CADPS: variants seen among roughly 807,000 people sequenced by gnomAD.
The protein encoded by CADPS is calcium dependent secretion activator.
In CADPS, 57 loss-of-function variants were observed where a neutral mutation model predicts 167.3. That is an observed-to-expected ratio of 0.34 (90% CI 0.28 to 0.42). CADPS has a LOEUF of 0.42. Among genes scored for constraint, CADPS ranks in the 20% least tolerant of loss-of-function variants. CADPS has a pLI of 1.00. For missense variants in CADPS, 1,414 were observed against 1,738.1 expected (o/e 0.81, Z 3.32); for synonymous variants, 676 against 635.3 (o/e 1.06, Z -0.96).
At chr3:62,715,373 C>CTAT (rs1554105668) in intron 3 of CADPS, among the ~76,000 whole-genome samples, 40,309 of 134,384 alleles carry the variant, frequency 0.3, 5,982 homozygotes, top group East Asian at 0.36. Flanking sequence ...TATCTATCTA[C>CTAT]CTATCTATCT....
At chr3:62,858,437 C>T (rs1358967419) in intron 1 of CADPS, among the ~76,000 whole-genome samples, 1 of 152,100 alleles carries the variant, frequency 6.6e-6, no homozygotes, top group Non-Finnish European at 1.5e-5. Flanking sequence ...ACTTGGATCA[C>T]CTGGGCACCT....
intron 3 of CADPS, among the ~76,000 whole-genome samples, chr3:62,691,728 A>G (rs1043374586): frequency 1.3e-5 from 2 of 152,038 alleles, no homozygotes; most frequent in African/African-American, 4.8e-5. Flanking sequence ...GAGCTGAATG[A>G]TGAGAACACA....
chr3:62,512,052 T>C (rs2067959648), intron 17 of CADPS, among the ~76,000 whole-genome samples: 1 of 152,202 alleles, frequency 6.6e-6, no homozygotes, highest in Non-Finnish European at 1.5e-5. Flanking sequence ...TTTTGAAATG[T>C]GCTCAACTGT....
intron 17 of CADPS, among the ~76,000 whole-genome samples, chr3:62,502,192 C>G (rs187462452): frequency 2.8e-4 from 43 of 152,274 alleles, no homozygotes; most frequent in Non-Finnish European, 1.2e-4. Flanking sequence ...CAAAATGGAA[C>G]TAAAAGTAAA....
intron 28 of CADPS, among the ~76,000 whole-genome samples, chr3:62,419,564 G>A (rs1052112165): frequency 5.3e-5 from 8 of 152,102 alleles, no homozygotes; most frequent in Non-Finnish European, 7.4e-5. Context: ...TGAGCAGTGC[G>A]AATAATTTAT....
chr3:62,609,523 T>C (rs535376281), intron 6 of CADPS, among the ~76,000 whole-genome samples: 1 of 152,178 alleles, frequency 6.6e-6, no homozygotes, highest in Admixed American at 6.5e-5. Flanking sequence ...ATGTGGACTT[T>C]GTAGTTAGAT....
chr3:62,498,259 A>G (rs1561278083), intron 18 of CADPS: 1 of 445,652 alleles, frequency 2.2e-6, no homozygotes, highest in Non-Finnish European at 4.5e-6. Flanking sequence ...GGCGTATTAT[A>G]TATTATTTAA....
At chr3:62,866,653 C>G (rs187405839) in intron 1 of CADPS, among the ~76,000 whole-genome samples, 29 of 151,746 alleles carry the variant, frequency 1.9e-4, no homozygotes, top group Non-Finnish European at 3.4e-4. Context: ...AAGGTGAGGA[C>G]GACATTTTGC....
intron 27 of CADPS, chr3:62,439,406 G>C (rs1003825829): frequency 6.6e-6 from 1 of 152,144 alleles, no homozygotes; most frequent in Non-Finnish European, 1.5e-5. Flanking sequence ...AACACCTGCT[G>C]AAACAATGAC....
At chr3:62,503,062 C>A (rs1038589786) in intron 17 of CADPS, among the ~76,000 whole-genome samples, 1 of 152,034 alleles carries the variant, frequency 6.6e-6, no homozygotes. Context: ...CCCCCACCCA[C>A]CACCACCACC....
chr3:62,465,285 A>G lies in CADPS; in HGVS notation c.3636+82T>C. 4.1e-6 allele frequency: 4 copies of G among 982,686 alleles called. No homozygotes were observed. The South Asian group carries it at 6.4e-5, about 16-fold the overall frequency. 60.9% of individuals were successfully genotyped at this position (982,686 alleles called of 1,614,324 possible). A position where few individuals can be genotyped will look rare whatever the true frequency, so the allele number is the denominator to read the frequency against. ...TAACACACACACCCATCCCAAAACAAAATGACACAACATAACTCCTCTCCC... is the reference window on the plus strand; with the variant it reads ...TAACACACACACCCATCCCAAAACAGAATGACACAACATAACTCCTCTCCC... On this transcript the variant is annotated intron_variant, in intron 26 of 29. Coordinates refer to ENST00000383710, the MANE Select transcript of CADPS (RefSeq NM_003716.4). The surrounding 1 kb of genome is among the most constrained non-coding windows in gnomAD (Gnocchi z 4.1).
chr3:62,432,788 G>A (rs547379697), intron 28 of CADPS, among the ~76,000 whole-genome samples: 3 of 152,160 alleles, frequency 2.0e-5, no homozygotes, highest in Admixed American at 6.5e-5. Flanking sequence ...CACCCAGCTA[G>A]TAAGGATCAG....
chr3:62,728,894 C>A (rs1174355335), intron 3 of CADPS, among the ~76,000 whole-genome samples: 4 of 151,818 alleles, frequency 2.6e-5, no homozygotes, highest in African/African-American at 9.7e-5. Context: ...TAACTGCTTG[C>A]AATTTGGAAT....
rs183048470 is a variant in CADPS at position 62,720,700 on chromosome 3, G to A, written c.888+32741C>T. On this transcript the variant is annotated intron_variant, in intron 3 of 29. Coordinates refer to ENST00000383710, the MANE Select transcript of CADPS (RefSeq NM_003716.4). ...GAGAAATTAGGCTCAAGGAAGCCAA[G>A]CAAATTATGCAAAATCAGCTTGTTT... 1.8e-3 allele frequency among the ~76,000 whole-genome samples: 281 copies of A among 152,056 alleles called. 1 individual carries two copies. Among genetic ancestry groups the A allele is most frequent in the African/African-American group, 6.4e-3 (265 of 41,484 alleles).
chr3:62,859,457 A>G (rs2080343856), intron 1 of CADPS, among the ~76,000 whole-genome samples: 1 of 152,208 alleles, frequency 6.6e-6, no homozygotes, highest in Non-Finnish European at 1.5e-5. Context: ...TCCACATAGA[A>G]AGAAAACTGA....
chr3:62,617,528 C>A (rs1016132974), intron 6 of CADPS, among the ~76,000 whole-genome samples: 2 of 152,060 alleles, frequency 1.3e-5, no homozygotes, highest in Non-Finnish European at 2.9e-5. Context: ...GGACATGGTT[C>A]CCACTTTCAA....
chr3:62,820,733 A>G (rs2094864942), intron 1 of CADPS, among the ~76,000 whole-genome samples: 2 of 151,590 alleles, frequency 1.3e-5, no homozygotes, highest in African/African-American at 2.4e-5. Context: ...TGTTTGGACC[A>G]ATCTTCCCTT....
At chr3:62,437,959 C>G in intron 28 of CADPS, 145 bp downstream of exon 28, 1 of 603,154 alleles carries the variant, frequency 1.7e-6, no homozygotes, top group Admixed American at 2.8e-5. Context: ...AGATAAGAGC[C>G]TAAGGCAGAG....
chr3:62,571,478 T>A (rs2081275055), intron 8 of CADPS, among the ~76,000 whole-genome samples: 1 of 152,180 alleles, frequency 6.6e-6, no homozygotes, highest in South Asian at 2.1e-4. Flanking sequence ...GAAATTAATT[T>A]TTTTATACAG....
Sources: gnomAD v4.1 joint callset for allele counts (sites outside exome capture counted in the v4.1 genomes callset) on GRCh38, gnomAD v4.1.1 for gene constraint, Gnocchi (gnomAD v3.1) non-coding constraint, MANE v1.5 for transcripts, NCBI Gene and HGNC (gene_info 2026-07-23, HGNC 2026-07-21) for gene names.